Variants in PLEKHH2 observed in about 807,000 individuals in gnomAD.
The protein encoded by PLEKHH2 is pleckstrin homology domain-containing family H member 2.
PLEKHH2 carries 129 observed loss-of-function variants against 187.9 expected under a neutral mutation model. That is an observed-to-expected ratio of 0.69 (90% CI 0.59 to 0.79). The LOEUF is 0.79. PLEKHH2 is among the 30% of genes least tolerant of loss of function. The probability of loss-of-function intolerance (pLI) is 0.00; values close to 1 mark genes in which losing one functional copy is unlikely to be tolerated. For missense variants in PLEKHH2, 2,076 were observed against 1,751.2 expected, an observed-to-expected ratio of 1.19 and a Z score of -3.31; for synonymous variants, 686 against 605.6, an observed-to-expected ratio of 1.13 and a Z score of -1.95.
intron 3 of PLEKHH2, among the ~76,000 whole-genome samples, chr2:43,691,248 G>A (rs1401087973): frequency 1.4e-4 from 22 of 152,220 alleles, no homozygotes; most frequent in Admixed American, 1.4e-3. Flanking sequence ...GAGCAAGGCA[G>A]GAAGTTTTAT....
At chr2:43,704,207 T>G (rs1669535381) in intron 9 of PLEKHH2, 151 bp downstream of exon 9, 2 of 585,100 alleles carry the variant, frequency 3.4e-6, no homozygotes, top group East Asian at 5.9e-5. Flanking sequence ...TTCATAGGAA[T>G]AGAAAGTAGA....
Position 43,765,685 on chromosome 2 carries a change from G to GT in PLEKHH2, c.*87_*88insT. On this transcript the variant is annotated 3_prime_UTR_variant, in exon 30 of 30. Coordinates refer to ENST00000282406, the MANE Select transcript of PLEKHH2 (RefSeq NM_172069.4). The stretch of plus-strand genomic sequence containing the variant: ...CAAGTTCGTTTACACCTGGCAGCAC[G>GT]GCAGCCACACACCGGTATTCCAAAC... 3 of 1,289,986 alleles carry GT rather than the reference G, an allele frequency of 2.3e-6. No individual in the cohort carries two copies. The highest frequency in any genetic ancestry group is 3.2e-6 in the Non-Finnish European group (3 of 945,514). The allele number at this position is 1,289,986 out of a possible 1,614,324, so 79.9% of individuals were successfully genotyped here. A position where few individuals can be genotyped will look rare whatever the true frequency, so the allele number is the denominator to read the frequency against.
At chr2:43,657,119 C>T (rs919461665) in intron 2 of PLEKHH2, among the ~76,000 whole-genome samples, 3 of 152,214 alleles carry the variant, frequency 2.0e-5, no homozygotes, top group Non-Finnish European at 4.4e-5. Flanking sequence ...GGTTCTTTTA[C>T]TCTGTTTGGC....
intron 2 of PLEKHH2, among the ~76,000 whole-genome samples, chr2:43,654,903 A>G (rs1666674952): frequency 6.6e-6 from 1 of 152,094 alleles, no homozygotes; most frequent in African/African-American, 2.4e-5. Flanking sequence ...GGCACACGCC[A>G]GTAGTCCCAG....
intron 3 of PLEKHH2, among the ~76,000 whole-genome samples, chr2:43,682,182 T>G (rs1260191042): frequency 6.6e-6 from 1 of 152,198 alleles, no homozygotes; most frequent in East Asian, 1.9e-4. Context: ...AATACCATCA[T>G]CACACCAAAA....
chr2:43,676,072 C>G, intron 2 of PLEKHH2: 1 of 1,613,860 alleles, frequency 6.2e-7, no homozygotes, highest in Non-Finnish European at 8.5e-7. Flanking sequence ...CAGTACAGCC[C>G]AGTAACTCTC....
intron 15 of PLEKHH2, among the ~76,000 whole-genome samples, chr2:43,712,772 AAG>A (rs1254326887): frequency 1.3e-5 from 2 of 152,206 alleles, no homozygotes; most frequent in South Asian, 2.1e-4. Context: ...ATGGGCAGGA[AAG>A]AGAGATCATC....
intron 2 of PLEKHH2, among the ~76,000 whole-genome samples, chr2:43,666,121 G>A (rs1667189560): frequency 6.7e-6 from 1 of 149,812 alleles, no homozygotes; most frequent in Admixed American, 6.6e-5. Context: ...CTAGCAATCA[G>A]CGAGATTCCG....
chr2:43,657,049 AC>A, intron 2 of PLEKHH2, among the ~76,000 whole-genome samples: 1 of 133,260 alleles, frequency 7.5e-6, no homozygotes, highest in East Asian at 2.0e-4. Flanking sequence ...ACAAAATAAA[AC>A]AAAAAAACCT....
chr2:43,649,347 T>G (rs1364278950), intron 2 of PLEKHH2, among the ~76,000 whole-genome samples: 1 of 152,250 alleles, frequency 6.6e-6, no homozygotes, highest in Non-Finnish European at 1.5e-5. Context: ...AGTTAGATTT[T>G]CGGTGAAAAG....
At chr2:43,659,447 GA>G (rs951543616) in intron 2 of PLEKHH2, among the ~76,000 whole-genome samples, 3 of 151,594 alleles carry the variant, frequency 2.0e-5, no homozygotes, top group African/African-American at 7.3e-5. Context: ...TAAGAAATCT[GA>G]AGTCTTTCAC....
At chr2:43,744,537 A>G (rs1306028643) in intron 23 of PLEKHH2, among the ~76,000 whole-genome samples, 3 of 152,154 alleles carry the variant, frequency 2.0e-5, no homozygotes, top group African/African-American at 7.2e-5. Context: ...ATTGGGAGTT[A>G]GGGAAGGCCT....
chr2:43,758,200 G>A (rs1046056077), intron 26 of PLEKHH2, among the ~76,000 whole-genome samples: 2 of 152,154 alleles, frequency 1.3e-5, no homozygotes, highest in Non-Finnish European at 2.9e-5. Flanking sequence ...CCAAGCCAGG[G>A]GTGGGAGGAC....
chr2:43,699,579 T>G, intron 7 of PLEKHH2, 68 bp from the exon 8 acceptor site: 4 of 1,523,878 alleles, frequency 2.6e-6, no homozygotes, highest in Non-Finnish European at 3.5e-6. Context: ...TGTAGCTACA[T>G]AAAGCTAAAT....
intron 17 of PLEKHH2, 67 bp from the exon 18 acceptor site, chr2:43,729,570 C>A: frequency 9.2e-7 from 1 of 1,087,316 alleles, no homozygotes; most frequent in Non-Finnish European, 1.3e-6. Context: ...ACTGTTTATG[C>A]AAGTTGTTTT....
intron 20 of PLEKHH2, 119 bp from the exon 21 acceptor site, chr2:43,740,827 G>A: frequency 7.0e-7 from 1 of 1,436,172 alleles, no homozygotes; most frequent in Non-Finnish European, 9.1e-7. Context: ...TCATGCATAT[G>A]TGAAAGAAGC....
rs1273756970 is a variant in PLEKHH2 at position 43,765,666 on chromosome 2, C to T, written c.*68C>T. 6.0e-6 allele frequency: 9 copies of T among 1,489,146 alleles called. No homozygotes were observed. The highest frequency in any genetic ancestry group is 5.6e-5 in the African/African-American group (4 of 71,322). The allele number at this position is 1,489,146 out of a possible 1,614,324, so 92.2% of individuals were successfully genotyped here. A position where few individuals can be genotyped will look rare whatever the true frequency, so the allele number is the denominator to read the frequency against. On this transcript the variant is annotated 3_prime_UTR_variant, in exon 30 of 30. Coordinates refer to ENST00000282406, the MANE Select transcript of PLEKHH2 (RefSeq NM_172069.4). Reference sequence around the variant, plus strand: ...TGGCTGTATCAGCTCCCTACAAGTTCGTTTACACCTGGCAGCACGGCAGCC... The same window carrying T: ...TGGCTGTATCAGCTCCCTACAAGTTTGTTTACACCTGGCAGCACGGCAGCC...
At chr2:43,676,457 G>T (rs186717846) in intron 2 of PLEKHH2, 99 of 657,654 alleles carry the variant, frequency 1.5e-4, no homozygotes, top group Non-Finnish European at 2.4e-4. Context: ...TCTCGGTGGC[G>T]TAGAGAAGGG....
At chr2:43,701,665 C>T (rs1382291420) in intron 8 of PLEKHH2, among the ~76,000 whole-genome samples, 1 of 150,266 alleles carries the variant, frequency 6.7e-6, no homozygotes, top group African/African-American at 2.5e-5. Flanking sequence ...AAATCTTCTT[C>T]CATTGAAACA....
Sources: gnomAD v4.1 joint callset for allele counts (sites outside exome capture counted in the v4.1 genomes callset) on GRCh38, gnomAD v4.1.1 for gene constraint, MANE v1.5 for transcripts, NCBI Gene and HGNC (gene_info 2026-07-23, HGNC 2026-07-21) for gene names.